Variants in CCSER2 observed in about 807,000 individuals in gnomAD.
The protein encoded by CCSER2 is coiled-coil serine rich protein 2, also known as serine-rich coiled-coil domain-containing protein 2.
Under a neutral mutation model 92.3 loss-of-function variants are expected in CCSER2, and 46 were observed. That is an observed-to-expected ratio of 0.50 (90% CI 0.39 to 0.64). CCSER2 has a LOEUF of 0.64. Ranked by LOEUF, CCSER2 falls within the 30% of genes least tolerant of loss-of-function variation. The pLI is 0.00. For synonymous variants in CCSER2, 433 were observed against 431.4 expected, an observed-to-expected ratio of 1.00 and a Z score of -0.04; for missense variants, 1,244 against 1,238.9, an observed-to-expected ratio of 1.00 and a Z score of -0.06.
intron 9 of CCSER2, chr10:84,499,855 C>T: frequency 1.2e-6 from 2 of 1,613,336 alleles, no homozygotes; most frequent in Non-Finnish European, 1.7e-6. Flanking sequence ...TACCTCCCTA[C>T]CCCATCTCTC....
At position 84,335,226 on chromosome 10, in the gene CCSER2, C is replaced by CTTTTT. The variant is rs879479939; in HGVS notation, c.-40+6419_-40+6420insTTTTT. ...TCCCCAGCATTCTACTTCTCTCTCT[C>CTTTTT]TCTTTTTTTTTTTTTTTTTTTTTTT... On this transcript the variant is annotated intron_variant, in intron 1 of 9. Coordinates refer to ENST00000372088, the MANE Select transcript of CCSER2 (RefSeq NM_001284240.2). Among the ~76,000 whole-genome samples the CTTTTT allele has an allele frequency of 4.9e-3, 462 of 94,974 alleles. 30 individuals carry two copies. Among genetic ancestry groups the CTTTTT allele is most frequent in the East Asian group, 0.011 (31 of 2,896 alleles). 62.3% of individuals were successfully genotyped at this position (94,974 alleles called of 152,430 possible). A position where few individuals can be genotyped will look rare whatever the true frequency, so the allele number is the denominator to read the frequency against.
At chr10:84,407,952 A>G (rs1171941067) in intron 3 of CCSER2, among the ~76,000 whole-genome samples, 4 of 151,582 alleles carry the variant, frequency 2.6e-5, no homozygotes, top group Non-Finnish European at 4.4e-5. Flanking sequence ...CTGGTTCACA[A>G]TGGTTTGCAT....
chr10:84,421,165 T>C (rs576238921), intron 4 of CCSER2, among the ~76,000 whole-genome samples: 9 of 152,332 alleles, frequency 5.9e-5, no homozygotes, highest in Non-Finnish European at 1.2e-4. Flanking sequence ...GTGCAGTTAA[T>C]CTTTCCCTAT....
rs1849502501 is a variant in CCSER2 at position 84,513,974 on chromosome 10, C to A, written c.2851C>A (p.Pro951Thr). ...TAGGACTCCCACTTGTAAAAAGTCACCAATAATCACAACATGTAATTCAGC... is the reference window on the plus strand; with the variant it reads ...TAGGACTCCCACTTGTAAAAAGTCAACAATAATCACAACATGTAATTCAGC... ...PSRTPTCKKS[P>T]IITTCNSAKL... Residue 951 changes from proline (P) to threonine (T), a missense_variant, in exon 10 of 10, where the codon CCA becomes ACA. Pro to Thr is a conservative substitution (Grantham distance 38). Transcript: ENST00000372088. 2 of 1,536,678 alleles carry A rather than the reference C, an allele frequency of 1.3e-6. No homozygotes were observed. The highest frequency in any genetic ancestry group is 8.7e-7 in the Non-Finnish European group (1 of 1,147,024).
At chr10:84,355,269 ATTC>A (rs1845100142) in intron 1 of CCSER2, among the ~76,000 whole-genome samples, 1 of 151,996 alleles carries the variant, frequency 6.6e-6, no homozygotes, top group African/African-American at 2.4e-5. Context: ...TTTTTCCACT[ATTC>A]TTCCTTTCTT....
At position 84,509,783 on chromosome 10, in the gene CCSER2, C is replaced by T. The variant is rs559626553; in HGVS notation, c.2326-3666C>T. Among the ~76,000 whole-genome samples the T allele has an allele frequency of 3.5e-4, 53 of 152,254 alleles. No homozygotes were observed. In the South Asian group the frequency reaches 5.4e-3, roughly 15 times the overall value. ...GAGATCTTTCGTAGTGGGGGGATTC[C>T]TTTTGCCCTCTAGGTTTTGTGGGCT... On this transcript the variant is annotated intron_variant, in intron 9 of 9. Transcript: ENST00000372088.
chr10:84,437,710 GTTTTTTTTTT>G (rs769780704), intron 5 of CCSER2, among the ~76,000 whole-genome samples: 1 of 126,804 alleles, frequency 7.9e-6, no homozygotes, highest in Non-Finnish European at 1.7e-5. Context: ...TTTTAGAGTA[GTTTTTTTTTT>G]TTTTTTTTTT....
intron 3 of CCSER2, among the ~76,000 whole-genome samples, chr10:84,381,256 G>T (rs562914286): frequency 5.3e-5 from 8 of 152,270 alleles, no homozygotes; most frequent in East Asian, 3.9e-4. Flanking sequence ...CTTTCTAATT[G>T]TTTTGTTTTA....
At chr10:84,472,601 A>G (rs1846882185) in intron 8 of CCSER2, among the ~76,000 whole-genome samples, 1 of 152,192 alleles carries the variant, frequency 6.6e-6, no homozygotes. Context: ...TGGGGGAGAC[A>G]GAATAAAATT....
rs760649240 is a variant in CCSER2 at position 84,425,172 on chromosome 10, C to CT, written c.1706-554dup. On this transcript the variant is annotated intron_variant, in intron 4 of 9. Coordinates refer to ENST00000372088, the MANE Select transcript of CCSER2 (RefSeq NM_001284240.2). ...GCTTTGTTTTCAGTGGCATTTTAGA[C>CT]TTTTTGAACAAGCTCTTACTGCAGG... The CT allele has an allele frequency of 1.6e-3, 1,578 of 985,018 alleles. 5 individuals are homozygous for CT. Among genetic ancestry groups the CT allele is most frequent in the Middle Eastern group, 0.013 (25 of 1,912 alleles). 61.0% of individuals were successfully genotyped at this position (985,018 alleles called of 1,614,324 possible).
intron 3 of CCSER2, among the ~76,000 whole-genome samples, chr10:84,397,765 G>T (rs1841920066): frequency 6.6e-6 from 1 of 152,188 alleles, no homozygotes. Flanking sequence ...GCAACCATTA[G>T]AAGTCCCACC....
intron 6 of CCSER2, among the ~76,000 whole-genome samples, chr10:84,440,576 T>C (rs545941298): frequency 6.6e-6 from 1 of 152,328 alleles, no homozygotes; most frequent in Non-Finnish European, 1.5e-5. Flanking sequence ...TGTCCAAAGC[T>C]TCTCTAGAGC....
chr10:84,393,938 T>A (rs926369340), intron 3 of CCSER2: 2 of 152,174 alleles, frequency 1.3e-5, no homozygotes, highest in African/African-American at 4.8e-5. Context: ...TATTGATACT[T>A]TCAGGTATGC....
intron 5 of CCSER2, among the ~76,000 whole-genome samples, chr10:84,436,187 T>TG (rs1156494453): frequency 4.1e-5 from 6 of 146,388 alleles, no homozygotes; most frequent in Non-Finnish European, 9.0e-5. Context: ...ATTAGCCGAG[T>TG]GTGGTGGCGT....
chr10:84,385,562 G>A (rs956917694), intron 3 of CCSER2, among the ~76,000 whole-genome samples: 1 of 152,266 alleles, frequency 6.6e-6, no homozygotes, highest in Admixed American at 6.5e-5. Flanking sequence ...ATGTGAAGAA[G>A]AATGAAACTG....
At chr10:84,400,548 A>G (rs573405165) in intron 3 of CCSER2, among the ~76,000 whole-genome samples, 5 of 152,028 alleles carry the variant, frequency 3.3e-5, no homozygotes, top group Non-Finnish European at 5.9e-5. Context: ...GTTTTTGTAT[A>G]TGGTGTGAGG....
chr10:84,506,708 T>C (rs949919109), intron 9 of CCSER2, among the ~76,000 whole-genome samples: 1 of 151,992 alleles, frequency 6.6e-6, no homozygotes, highest in African/African-American at 2.4e-5. Flanking sequence ...GCAAGGAGAA[T>C]CGCTTGAACC....
chr10:84,465,053 A>G (rs1846311613), intron 7 of CCSER2, among the ~76,000 whole-genome samples: 1 of 151,940 alleles, frequency 6.6e-6, no homozygotes, highest in Non-Finnish European at 1.5e-5. Context: ...TTGCTTCCCA[A>G]CCCTGAGCTT....
At chr10:84,331,812 G>A (rs993402132) in intron 1 of CCSER2, among the ~76,000 whole-genome samples, 1 of 152,130 alleles carries the variant, frequency 6.6e-6, no homozygotes, top group East Asian at 1.9e-4. Context: ...ATATGATAAA[G>A]CATACACATA....
Sources: allele counts gnomAD v4.1 joint callset (sites outside exome capture counted in the v4.1 genomes callset), GRCh38; gene constraint gnomAD v4.1.1; transcripts MANE v1.5; gene names NCBI Gene and HGNC (gene_info 2026-07-23, HGNC 2026-07-21).